SEC14L1: variants seen among roughly 807,000 people sequenced by gnomAD.
SEC14L1 encodes SEC14-like protein 1.
Under a neutral mutation model 85.3 loss-of-function variants are expected in SEC14L1, and 48 were observed. The observed-to-expected ratio is 0.56, with a 90% confidence interval of 0.45 to 0.72. The LOEUF is 0.72. Among genes scored for constraint, SEC14L1 ranks in the 30% least tolerant of loss-of-function variants. SEC14L1 has a pLI of 0.00. For missense variants in SEC14L1, 682 were observed against 921.4 expected (o/e 0.74, Z 3.36); for synonymous variants, 391 against 355.5 (o/e 1.10, Z -1.12).
At chr17:77,166,996 C>T (rs1974310391) in intron 3 of SEC14L1, among the ~76,000 whole-genome samples, 1 of 152,180 alleles carries the variant, frequency 6.6e-6, no homozygotes, top group South Asian at 2.1e-4. Flanking sequence ...CAGATGAAAG[C>T]TCTTCATGGG....
chr17:77,170,913 A>C (rs1974497690), intron 3 of SEC14L1, among the ~76,000 whole-genome samples: 1 of 152,142 alleles, frequency 6.6e-6, no homozygotes, highest in Non-Finnish European at 1.5e-5. Context: ...ATTTGTTTTA[A>C]TAAGGTTTTA....
chr17:77,200,489 A>G lies in SEC14L1; in HGVS notation c.825A>G (p.Pro275=), dbSNP rs761517650. The G allele has an allele frequency of 1.9e-6, 3 of 1,612,568 alleles. No individual in the cohort carries two copies. The highest frequency in any genetic ancestry group is 2.5e-6 in the Non-Finnish European group (3 of 1,179,362). Reference sequence around the variant, plus strand: ...ATGTCTTTTTCTCTTAATAGATTCCAAAAGATGAGCATATTCTTCGGTTCC... The same window carrying G: ...ATGTCTTTTTCTCTTAATAGATTCCGAAAGATGAGCATATTCTTCGGTTCC... The part of the protein sequence containing the change: ...WLQETHKGKI[P]KDEHILRFLR... The change falls in exon 9 of 17, where the codon CCA becomes CCG. Residue 275 remains proline (P), a synonymous_variant. Coordinates refer to ENST00000436233, the MANE Select transcript of SEC14L1 (RefSeq NM_001143998.2).
upstream of SEC14L1, among the ~76,000 whole-genome samples, chr17:77,139,475 A>G (rs1386421323): frequency 1.4e-5 from 2 of 147,852 alleles, no homozygotes; most frequent in South Asian, 2.2e-4. Flanking sequence ...ACGGCGTTAA[A>G]GCGTCTTTTG....
intron 3 of SEC14L1, chr17:77,144,566 A>G (rs1367439299): frequency 6.6e-6 from 1 of 152,204 alleles, no homozygotes; most frequent in African/African-American, 2.4e-5. Context: ...AAAAACAAGA[A>G]GTCCTCTTAC....
chr17:77,135,846 C>T (rs1468919182), intron 3 of SEC14L1, among the ~76,000 whole-genome samples: 1 of 150,738 alleles, frequency 6.6e-6, no homozygotes, highest in Non-Finnish European at 1.5e-5. Flanking sequence ...CTCTCTCTCT[C>T]TTTCCTTCTT....
intron 3 of SEC14L1, among the ~76,000 whole-genome samples, chr17:77,122,448 T>C (rs190780307): frequency 3.0e-4 from 46 of 151,986 alleles, no homozygotes; most frequent in African/African-American, 1.1e-3. Flanking sequence ...ACTACAGGTG[T>C]ACACCACCAC....
intron 9 of SEC14L1, among the ~76,000 whole-genome samples, chr17:77,201,933 A>G (rs1242929516): frequency 6.6e-6 from 1 of 152,138 alleles, no homozygotes; most frequent in Non-Finnish European, 1.5e-5. Context: ...CCTCTGCCCC[A>G]TGCTGGGACG....
At chr17:77,208,490 G>A (rs550065109) in intron 13 of SEC14L1, among the ~76,000 whole-genome samples, 1 of 152,276 alleles carries the variant, frequency 6.6e-6, no homozygotes, top group East Asian at 1.9e-4. Context: ...GGTGCTGAGC[G>A]TCTTTGTGGT....
intron 3 of SEC14L1, among the ~76,000 whole-genome samples, chr17:77,105,533 G>A (rs1296311477): frequency 2.6e-5 from 4 of 152,032 alleles, no homozygotes; most frequent in Non-Finnish European, 4.4e-5. Flanking sequence ...ATTAACCTCC[G>A]AAAGATTAAA....
intron 3 of SEC14L1, among the ~76,000 whole-genome samples, chr17:77,126,040 A>G (rs1972437920): frequency 6.6e-6 from 1 of 152,198 alleles, no homozygotes; most frequent in Non-Finnish European, 1.5e-5. Context: ...AATCCCAGCT[A>G]CTTGGAAGGC....
Position 77,165,802 on chromosome 17 carries a change from A to G in SEC14L1, c.63+22143A>G, listed in dbSNP as rs531429828. On this transcript the variant is annotated intron_variant, in intron 3 of 16. Coordinates refer to ENST00000436233, the MANE Select transcript of SEC14L1 (RefSeq NM_001143998.2). ...TACTTAAAATAACTGGTTCCTAGCA[A>G]AGTCTCATGAGATTTACATCTTGTA... is the stretch of plus-strand genomic sequence containing the variant. Among the ~76,000 whole-genome samples the G allele has an allele frequency of 4.6e-5, 7 of 152,286 alleles. No individual in the cohort carries two copies. The East Asian group carries it at 1.3e-3, about 29-fold the overall frequency.
chr17:77,206,457 C>T lies in SEC14L1; in HGVS notation c.1341+57C>T. On this transcript the variant is annotated intron_variant, in intron 12 of 16. Transcript: ENST00000436233. This position sits in a 1 kb window ranked among gnomAD's most constrained non-coding sequence, Gnocchi z 4.3. The stretch of plus-strand genomic sequence containing the variant: ...AGCCATTTGGAAAGCAGATAACATG[C>T]ATTCATATACACGTGTCTGTGACCT... The T allele has an allele frequency of 1.3e-6, 2 of 1,545,614 alleles. No homozygotes were observed. Among genetic ancestry groups the T allele is most frequent in the South Asian group, 2.3e-5 (2 of 87,080 alleles).
In SEC14L1 at chr17:77,216,775, C is replaced by T; in HGVS notation, c.*2752C>T. The T allele has an allele frequency of 2.5e-6, 2 of 800,488 alleles. No homozygotes were observed. Among genetic ancestry groups the T allele is most frequent in the South Asian group, 1.8e-5 (1 of 54,580 alleles). The allele number at this position is 800,488 out of a possible 1,614,324, so 49.6% of individuals were successfully genotyped here. A position where few individuals can be genotyped will look rare whatever the true frequency, so the allele number is the denominator to read the frequency against. On this transcript the variant is annotated 3_prime_UTR_variant, in exon 17 of 17. Transcript: ENST00000436233. ...GACCGCACAAATGCTTACAGGGTTT[C>T]CTCCCGAGTAATCCAATCTCACTCC...
At chr17:77,125,011 T>A (rs9899422) in intron 3 of SEC14L1, among the ~76,000 whole-genome samples, 8,481 of 111,792 alleles carry the variant, frequency 0.076, 652 homozygotes, top group African/African-American at 0.32. Context: ...TTATTATTAT[T>A]ATATATTTTT....
At chr17:77,133,574 C>T (rs546752938) in intron 3 of SEC14L1, among the ~76,000 whole-genome samples, 2 of 152,128 alleles carry the variant, frequency 1.3e-5, no homozygotes, top group Non-Finnish European at 2.9e-5. Context: ...GTAGCCTTTA[C>T]GCGGCACCCA....
In SEC14L1 at chr17:77,216,537, T is replaced by G. The variant is rs761362913; in HGVS notation, c.*2514T>G. 3.1e-6 allele frequency: 5 copies of G among 1,613,172 alleles called. No homozygotes were observed. In the African/African-American group the frequency reaches 6.7e-5, roughly 22 times the overall value. On this transcript the variant is annotated 3_prime_UTR_variant, in exon 17 of 17. Transcript: ENST00000436233. Reference sequence around the variant, plus strand: ...GGTCCCTGCTTTCTCTTTCTCTTTCTCTGTGTCTCAGATGGCGATTTTGCT... The same window carrying G: ...GGTCCCTGCTTTCTCTTTCTCTTTCGCTGTGTCTCAGATGGCGATTTTGCT...
chr17:77,212,370 T>C (rs1174415073), intron 15 of SEC14L1, among the ~76,000 whole-genome samples, 169 bp downstream of exon 15: 1 of 152,038 alleles, frequency 6.6e-6, no homozygotes, highest in Non-Finnish European at 1.5e-5. Flanking sequence ...GTGGGTCTCG[T>C]AGGAAGGAGT....
At chr17:77,140,667 C>T (rs2143491015), upstream of SEC14L1, 1 of 151,958 alleles carries the variant, frequency 6.6e-6, no homozygotes, top group East Asian at 1.9e-4. Flanking sequence ...GAAGCCCAGC[C>T]CGGCCCCGCC....
chr17:77,103,569 G>A (rs1474428656), intron 3 of SEC14L1, among the ~76,000 whole-genome samples: 2 of 150,096 alleles, frequency 1.3e-5, no homozygotes, highest in Admixed American at 6.7e-5. Context: ...AGCCTCCCAA[G>A]TAGCTGGGAT....
Sources: allele counts gnomAD v4.1 joint callset (sites outside exome capture counted in the v4.1 genomes callset), GRCh38; gene constraint gnomAD v4.1.1; non-coding constraint Gnocchi (gnomAD v3.1); transcripts MANE v1.5; gene names NCBI Gene and HGNC (gene_info 2026-07-23, HGNC 2026-07-21).